CLPB: variants seen among roughly 807,000 people sequenced by gnomAD.
CLPB encodes the protein ClpB family mitochondrial disaggregase.
CLPB carries 40 observed loss-of-function variants against 78.4 expected under a neutral mutation model. That is an observed-to-expected ratio of 0.51 (90% CI 0.40 to 0.66). The LOEUF (loss-of-function observed/expected upper bound fraction) is 0.66. Ranked by LOEUF, CLPB falls within the 30% of genes least tolerant of loss-of-function variation. CLPB has a pLI of 0.00. For synonymous variants in CLPB, 333 were observed against 348.0 expected, an observed-to-expected ratio of 0.96 and a Z score of 0.48; for missense variants, 780 against 886.9, an observed-to-expected ratio of 0.88 and a Z score of 1.53.
chr11:72,300,453 AG>A (rs1949635521), intron 11 of CLPB, among the ~76,000 whole-genome samples: 2 of 152,206 alleles, frequency 1.3e-5, no homozygotes, highest in African/African-American at 4.8e-5. Context: ...TAGAGGCCTC[AG>A]TGTACACGTG....
At chr11:72,404,503 A>G (rs1855647975) in intron 2 of CLPB, among the ~76,000 whole-genome samples, 1 of 152,232 alleles carries the variant, frequency 6.6e-6, no homozygotes, top group Admixed American at 6.5e-5. Context: ...TCTCTCAAAT[A>G]CTTTCGAAGG....
intron 2 of CLPB, among the ~76,000 whole-genome samples, chr11:72,418,338 G>C (rs1251510414): frequency 1.3e-5 from 2 of 152,198 alleles, no homozygotes; most frequent in East Asian, 3.8e-4. Context: ...AAATACATAA[G>C]AAGCAACTGA....
intron 5 of CLPB, among the ~76,000 whole-genome samples, chr11:72,353,605 C>A (rs1410833221): frequency 3.3e-5 from 5 of 152,146 alleles, no homozygotes; most frequent in Admixed American, 6.5e-5. Flanking sequence ...CAGAGCATTG[C>A]AGCAAAGGAG....
At chr11:72,363,177 A>AG (rs1950873733) in intron 4 of CLPB, among the ~76,000 whole-genome samples, 1 of 148,234 alleles carries the variant, frequency 6.7e-6, no homozygotes, top group African/African-American at 2.5e-5. Flanking sequence ...AGAAAGTAAA[A>AG]GAAGGAAGGA....
chr11:72,337,055 G>C (rs1252493407), intron 5 of CLPB: 8 of 398,562 alleles, frequency 2.0e-5, no homozygotes, highest in Admixed American at 4.4e-5. Flanking sequence ...TTCATATCTT[G>C]GTTTAGTCTT....
At chr11:72,315,834 T>A (rs1294872024) in intron 7 of CLPB, among the ~76,000 whole-genome samples, 1 of 152,168 alleles carries the variant, frequency 6.6e-6, no homozygotes, top group Non-Finnish European at 1.5e-5. Flanking sequence ...AGCCTCTAGA[T>A]CTGCCTCACT....
intron 5 of CLPB, among the ~76,000 whole-genome samples, chr11:72,354,963 C>T (rs1250440502): frequency 6.6e-6 from 1 of 152,176 alleles, no homozygotes; most frequent in African/African-American, 2.4e-5. Flanking sequence ...TGGTCTGTTT[C>T]CACATCTATC....
rs189842174 is a variant in CLPB, at chr11:72,392,740, G to C, written c.542+10226C>G. 2.9e-3 allele frequency among the ~76,000 whole-genome samples: 440 copies of C among 152,232 alleles called. 4 individuals are homozygous for C. Among genetic ancestry groups the C allele is most frequent in the Non-Finnish European group, 4.9e-3 (333 of 68,022 alleles). On this transcript the variant is annotated intron_variant, in intron 3 of 15. Transcript: ENST00000538039. ...CCTATTTTATAAATAAGTAAACTAA[G>C]GCTCGGCAAGATAATATGAGTTACC...
At chr11:72,296,172 T>C (rs1349264123) in intron 11 of CLPB, among the ~76,000 whole-genome samples, 6 of 152,252 alleles carry the variant, frequency 3.9e-5, no homozygotes, top group African/African-American at 1.4e-4. Context: ...ACATGGCTAC[T>C]GTCAGGACTA....
chr11:72,375,551 G>A (rs1854664279), intron 4 of CLPB, among the ~76,000 whole-genome samples: 1 of 152,080 alleles, frequency 6.6e-6, no homozygotes, highest in Admixed American at 6.6e-5. Flanking sequence ...CCCAATTCAA[G>A]GTCACTTACC....
At position 72,295,610 on chromosome 11, in the gene CLPB, G is replaced by A; in HGVS notation, c.1368C>T (p.Cys456=). Reference sequence around the variant, plus strand: ...AGGTCATGATGAAGATGGCGTCCTTGCAATCAATGGTCTTCCCTTTTCCAT... The same window carrying A: ...AGGTCATGATGAAGATGGCGTCCTTACAATCAATGGTCTTCCCTTTTCCAT... The part of the protein sequence containing the change: ...LTDGKGKTID[C]KDAIFIMTSN... The change falls in exon 12 of 16, where the codon TGC becomes TGT. Residue 456 remains cysteine, a synonymous_variant. Coordinates refer to ENST00000538039, the MANE Select transcript of CLPB (RefSeq NM_001258392.3). 2 of 1,614,094 alleles carry A rather than the reference G, an allele frequency of 1.2e-6. No individual in the cohort carries two copies. The highest frequency in any genetic ancestry group is 1.7e-6 in the Non-Finnish European group (2 of 1,179,996).
chr11:72,402,937 G>A lies in CLPB; in HGVS notation c.542+29C>T, dbSNP rs778323247. 1.9e-6 allele frequency: 3 copies of A among 1,597,672 alleles called. No homozygotes were observed. In the Admixed American group the frequency reaches 5.0e-5, roughly 27 times the overall value. On this transcript the variant is annotated intron_variant, in intron 3 of 15. Coordinates refer to ENST00000538039, the MANE Select transcript of CLPB (RefSeq NM_001258392.3). ...CACAGTCTGCAGAGATCTGCCTAAA[G>A]GAGCCCTGTGTGGAAGGTGGTCTCT...
At chr11:72,368,951 CAGAATAG>C (rs1269892239) in intron 4 of CLPB, among the ~76,000 whole-genome samples, 1 of 152,122 alleles carries the variant, frequency 6.6e-6, no homozygotes, top group Non-Finnish European at 1.5e-5. Context: ...CATGGGGGCT[CAGAATAG>C]AGCTGATGAA....
chr11:72,413,579 GAT>G (rs776811593), intron 2 of CLPB, among the ~76,000 whole-genome samples: 30 of 152,040 alleles, frequency 2.0e-4, no homozygotes, highest in Non-Finnish European at 3.8e-4. Flanking sequence ...ATTTTTATCT[GAT>G]ATACAGCCCA....
At chr11:72,366,441 T>C (rs771859801) in intron 4 of CLPB, among the ~76,000 whole-genome samples, 3 of 152,084 alleles carry the variant, frequency 2.0e-5, no homozygotes, top group Admixed American at 1.3e-4. Flanking sequence ...TTGGCCAGGC[T>C]GGTCTTGAAC....
At chr11:72,429,012 C>T (rs964433283) in intron 2 of CLPB, 4 of 152,222 alleles carry the variant, frequency 2.6e-5, no homozygotes, top group South Asian at 2.1e-4. Context: ...GGCAGCCCTT[C>T]GCAGTAGCCA....
In CLPB at chr11:72,433,728, C is replaced by T. The variant is rs370359843; in HGVS notation, c.403+344G>A. Among the ~76,000 whole-genome samples, 8 of 152,092 alleles carry T rather than the reference C, an allele frequency of 5.3e-5. No homozygotes were observed. In the East Asian group the frequency reaches 9.7e-4, roughly 18 times the overall value. On this transcript the variant is annotated intron_variant, in intron 1 of 15. Transcript: ENST00000538039. Reference sequence around the variant, plus strand: ...TGCCCTTAAAACACCCCATAATTTCCGTTTCCTGGAGATCTCAGGAAAGAG... The same window carrying T: ...TGCCCTTAAAACACCCCATAATTTCTGTTTCCTGGAGATCTCAGGAAAGAG...
At chr11:72,340,539 G>T (rs1950401457) in intron 5 of CLPB, among the ~76,000 whole-genome samples, 1 of 152,232 alleles carries the variant, frequency 6.6e-6, no homozygotes, top group Non-Finnish European at 1.5e-5. Context: ...ATAAGCTACA[G>T]ACATTCAGCC....
chr11:72,424,158 CG>C (rs1856293359), intron 2 of CLPB, among the ~76,000 whole-genome samples: 1 of 152,200 alleles, frequency 6.6e-6, no homozygotes. Context: ...TGTTGTAGCA[CG>C]TATCAGTGCT....
Sources: gnomAD v4.1 joint callset for allele counts (sites outside exome capture counted in the v4.1 genomes callset) on GRCh38, gnomAD v4.1.1 for gene constraint, MANE v1.5 for transcripts, NCBI Gene and HGNC (gene_info 2026-07-23, HGNC 2026-07-21) for gene names.